Variants in FIRRM observed in about 807,000 individuals in gnomAD.
FIRRM encodes FIGNL1 interacting regulator of recombination and mitosis.
chr1:169,847,608 C>T, the FIRRM span: 1 of 1,010,078 alleles, frequency 9.9e-7, no homozygotes, highest in African/African-American at 1.6e-5. Context: ...CCCCACATTT[C>T]CATCCAAATC....
the FIRRM span, chr1:169,850,010 C>G: frequency 3.5e-5 from 18 of 517,854 alleles, no homozygotes; most frequent in Non-Finnish European, 5.2e-5. Flanking sequence ...ATAGTCATGC[C>G]TATGATCATA....
At chr1:169,805,951 C>A in the FIRRM span, 2 of 1,043,452 alleles carry the variant, frequency 1.9e-6, no homozygotes, top group Non-Finnish European at 2.9e-6. Context: ...ATAGGAGAAA[C>A]TCACCCCCAT....
the FIRRM span, among the ~76,000 whole-genome samples, chr1:169,836,597 C>T: frequency 1.3e-5 from 2 of 151,908 alleles, no homozygotes; most frequent in African/African-American, 2.4e-5. Flanking sequence ...TACAAGGTGA[C>T]GAGTATATAG....
chr1:169,837,114 T>G, the FIRRM span: 1 of 1,576,018 alleles, frequency 6.3e-7, no homozygotes, highest in Non-Finnish European at 8.6e-7. Context: ...GAATCTCTGG[T>G]AAGATAATAA....
chr1:169,830,386 G>C, the FIRRM span: 3 of 1,427,604 alleles, frequency 2.1e-6, no homozygotes, highest in Middle Eastern at 1.8e-4. Context: ...GTTATTAGTA[G>C]TGACTGACAG....
chr1:169,833,314 T>C, the FIRRM span, among the ~76,000 whole-genome samples: 3 of 152,122 alleles, frequency 2.0e-5, no homozygotes, highest in South Asian at 6.2e-4. Flanking sequence ...GGCTCAATAA[T>C]TTGTTTTTGT....
the FIRRM span, chr1:169,801,029 G>T: frequency 1.2e-6 from 1 of 835,126 alleles, no homozygotes; most frequent in South Asian, 1.7e-5. Context: ...AGTCTTAGAT[G>T]ATTTATTATT....
At chr1:169,810,834 ATTTTTTTTTTTTTTTTTTTTTTT>A in the FIRRM span, among the ~76,000 whole-genome samples, 4 of 61,194 alleles carry the variant, frequency 6.5e-5, no homozygotes, top group South Asian at 8.1e-4. Context: ...TTAGCCCCCA[ATTTTTTTTTTTTTTTTTTTTTTT>A]TTTTTTTTTT....
the FIRRM span, among the ~76,000 whole-genome samples, chr1:169,800,111 G>C: frequency 6.6e-6 from 1 of 152,174 alleles, no homozygotes; most frequent in African/African-American, 2.4e-5. Context: ...CTAGCTCACT[G>C]CAGCCTCCAT....
the FIRRM span, chr1:169,795,875 A>G: frequency 2.4e-3 from 2,362 of 985,322 alleles, 34 homozygotes; most frequent in African/African-American, 0.034. Flanking sequence ...TTGGCTTTCA[A>G]CTGTTGGATT....
At chr1:169,793,308 ATAACT>A in the FIRRM span, 82 of 1,614,012 alleles carry the variant, frequency 5.1e-5, no homozygotes, top group Admixed American at 1.3e-4. Flanking sequence ...TTCACTACTG[ATAACT>A]TAACATGCTG....
the FIRRM span, chr1:169,794,722 C>T: frequency 5.3e-5 from 9 of 168,492 alleles, no homozygotes; most frequent in African/African-American, 1.4e-4. Flanking sequence ...GAGTCACTTC[C>T]GGCTGCAGGT....
the FIRRM span, chr1:169,804,351 A>G: frequency 1.1e-6 from 1 of 895,642 alleles, no homozygotes; most frequent in Non-Finnish European, 1.5e-6. Flanking sequence ...ATTAAAATTG[A>G]TTTAAATCTT....
the FIRRM span, chr1:169,806,149 T>C: frequency 1.1e-6 from 1 of 925,598 alleles, no homozygotes; most frequent in Non-Finnish European, 1.7e-6. Context: ...CCAATCTTAA[T>C]TATTCATGAT....
At chr1:169,851,718 G>A in the FIRRM span, 1 of 1,454,310 alleles carries the variant, frequency 6.9e-7, no homozygotes, top group Non-Finnish European at 9.3e-7. Context: ...AATTTGCCTA[G>A]TATGGTTGAA....
the FIRRM span, among the ~76,000 whole-genome samples, chr1:169,817,050 C>T: frequency 1.3e-5 from 2 of 151,850 alleles, no homozygotes; most frequent in African/African-American, 4.8e-5. Context: ...GAAAAGCTCA[C>T]AACAGCTCAA....
chr1:169,804,105 C>T, the FIRRM span: 1 of 1,532,294 alleles, frequency 6.5e-7, no homozygotes, highest in Non-Finnish European at 8.8e-7. Context: ...TGGGTGTTTA[C>T]ACCTAGTTTC....
the FIRRM span, chr1:169,792,888 A>T: frequency 6.2e-7 from 1 of 1,614,064 alleles, no homozygotes; most frequent in South Asian, 1.1e-5. Context: ...AACTCAGACC[A>T]CTCACCAGAA....
the FIRRM span, among the ~76,000 whole-genome samples, chr1:169,785,137 C>T: frequency 2.6e-5 from 4 of 152,198 alleles, no homozygotes; most frequent in African/African-American, 2.4e-5. Flanking sequence ...TGGCCCCCCT[C>T]GCAGGATGTG....
Sources: allele counts gnomAD v4.1 joint callset (sites outside exome capture counted in the v4.1 genomes callset), GRCh38; gene constraint gnomAD v4.1.1; transcripts MANE v1.5; gene names NCBI Gene and HGNC (gene_info 2026-07-23, HGNC 2026-07-21).